ITCH: variants seen among roughly 807,000 people sequenced by gnomAD.
The protein encoded by ITCH is E3 ubiquitin-protein ligase Itchy homolog.
A neutral mutation model predicts 126.8 loss-of-function variants in ITCH; 28 were observed. The ratio of observed to expected loss-of-function variants is 0.22; its 90% CI spans 0.16 to 0.30. The LOEUF (loss-of-function observed/expected upper bound fraction) is 0.30, where lower values mean the gene tolerates loss of function less well. Ranked by LOEUF, ITCH falls within the 10% of genes least tolerant of loss-of-function variation. The pLI is 1.00. For missense variants in ITCH, 631 were observed against 1,032.4 expected (o/e 0.61, Z 5.33); for synonymous variants, 342 against 340.0 (o/e 1.01, Z -0.06).
At chr20:34,404,256 A>C (rs767437409) in intron 3 of ITCH, among the ~76,000 whole-genome samples, 54 of 152,046 alleles carry the variant, frequency 3.6e-4, no homozygotes, top group Non-Finnish European at 6.3e-4. Context: ...AGTTTTCAGA[A>C]AGTAGTACAT....
At chr20:34,486,606 A>G (rs1276653221) in intron 20 of ITCH, among the ~76,000 whole-genome samples, 1 of 152,070 alleles carries the variant, frequency 6.6e-6, no homozygotes, top group Admixed American at 6.6e-5. Context: ...GATTACAGGC[A>G]TGAGCCACCA....
At chr20:34,401,873 C>T (rs1000867918) in intron 3 of ITCH, among the ~76,000 whole-genome samples, 1 of 152,014 alleles carries the variant, frequency 6.6e-6, no homozygotes, top group African/African-American at 2.4e-5. Flanking sequence ...TTTAAAAATA[C>T]ATATATATAT....
Position 34,471,500 on chromosome 20 carries a change from G to T in ITCH, c.1554G>T (p.Glu518Asp), listed in dbSNP as rs1987614242. Residue 518 changes from glutamate to aspartate, a missense_variant, in exon 16 of 25, where the codon GAG becomes GAT. Around this residue, in one of 4 missense-constraint regions of ITCH, gnomAD observed 390 missense variants for 731.6 expected, o/e 0.53. Transcript: ENST00000374864. ...CAGTGACAAGAAAAACATTGTTTGA[G>T]GATTCCTTTCAACAGGTACTGTTTC... ...KITVTRKTLF[E>D]DSFQQIMSFS... is the part of the protein sequence containing the mutation. The T allele has an allele frequency of 6.2e-7, 1 of 1,602,314 alleles. No individual in the cohort carries two copies. Among genetic ancestry groups the T allele is most frequent in the Admixed American group, 1.7e-5 (1 of 59,986 alleles).
At chr20:34,364,380 A>C (rs908132336) in intron 1 of ITCH, among the ~76,000 whole-genome samples, 1 of 151,758 alleles carries the variant, frequency 6.6e-6, no homozygotes, top group African/African-American at 2.4e-5. Context: ...AAGACCCTGG[A>C]GCCAGCCACC....
intron 10 of ITCH, 26 bp from the exon 11 acceptor site, chr20:34,445,261 T>G (rs777546419): frequency 4.2e-5 from 34 of 808,914 alleles, no homozygotes; most frequent in Admixed American, 7.5e-5. Context: ...AATTAGCTTG[T>G]TTTTTTTTTT....
At chr20:34,480,061 G>A (rs1000566346) in intron 18 of ITCH, among the ~76,000 whole-genome samples, 1 of 150,808 alleles carries the variant, frequency 6.6e-6, no homozygotes, top group African/African-American at 2.4e-5. Context: ...ACCATGCCTG[G>A]CTAATTTTTG....
At chr20:34,408,318 C>T (rs1338903282) in intron 3 of ITCH, among the ~76,000 whole-genome samples, 1 of 152,212 alleles carries the variant, frequency 6.6e-6, no homozygotes, top group African/African-American at 2.4e-5. Context: ...AGGCAATCCT[C>T]TTGCCTCAGC....
intron 23 of ITCH, among the ~76,000 whole-genome samples, chr20:34,496,170 A>T (rs1472351578): frequency 6.6e-6 from 1 of 152,144 alleles, no homozygotes; most frequent in African/African-American, 2.4e-5. Context: ...TTTAATCTGT[A>T]ACAGTTATTC....
At chr20:34,493,747 G>GA (rs1291986840) in intron 23 of ITCH, among the ~76,000 whole-genome samples, 2 of 152,210 alleles carry the variant, frequency 1.3e-5, no homozygotes, top group African/African-American at 4.8e-5. Context: ...CAACCAAGTA[G>GA]AAAACCCCAG....
At chr20:34,416,173 C>T (rs559232830) in intron 6 of ITCH, among the ~76,000 whole-genome samples, 140 of 151,846 alleles carry the variant, frequency 9.2e-4, no homozygotes, top group Admixed American at 1.7e-3. Context: ...CCGAGGCAGG[C>T]GGATCACCTA....
At chr20:34,452,469 C>T (rs1444837959) in intron 12 of ITCH, among the ~76,000 whole-genome samples, 3 of 152,208 alleles carry the variant, frequency 2.0e-5, no homozygotes, top group African/African-American at 7.2e-5. Context: ...TCAGACTGAG[C>T]ACTGCTTTAT....
chr20:34,417,703 CTT>C (rs77967776), intron 6 of ITCH, among the ~76,000 whole-genome samples: 2 of 109,284 alleles, frequency 1.8e-5, no homozygotes, highest in Admixed American at 1.2e-4. Context: ...CCTGGCCCAG[CTT>C]TTTTTTTTTT....
chr20:34,465,435 T>G (rs1234676744), intron 14 of ITCH, among the ~76,000 whole-genome samples: 2 of 152,202 alleles, frequency 1.3e-5, no homozygotes, highest in African/African-American at 4.8e-5. Flanking sequence ...TGGATTTTGA[T>G]AGGGGATTTT....
chr20:34,377,237 G>C (rs1293859086), intron 2 of ITCH, among the ~76,000 whole-genome samples: 1 of 152,128 alleles, frequency 6.6e-6, no homozygotes, highest in African/African-American at 2.4e-5. Context: ...AGCCGGGTGT[G>C]GTGTTACACT....
intron 7 of ITCH, among the ~76,000 whole-genome samples, chr20:34,428,115 C>T (rs1006788976): frequency 3.9e-5 from 6 of 152,174 alleles, no homozygotes; most frequent in African/African-American, 1.4e-4. Context: ...TCCTGTGCAT[C>T]AGCTTTTATT....
At chr20:34,434,676 A>G (rs1378803283) in intron 7 of ITCH, among the ~76,000 whole-genome samples, 1 of 152,156 alleles carries the variant, frequency 6.6e-6, no homozygotes, top group African/African-American at 2.4e-5. Flanking sequence ...GCAGATAATC[A>G]TTATTTTTAG....
At chr20:34,406,701 A>G (rs1031855428) in intron 3 of ITCH, among the ~76,000 whole-genome samples, 19 of 151,726 alleles carry the variant, frequency 1.3e-4, no homozygotes, top group Admixed American at 9.8e-4. Context: ...CGCCCGGCTA[A>G]TTTTTTGTAT....
intron 23 of ITCH, among the ~76,000 whole-genome samples, 190 bp from the exon 24 acceptor site, chr20:34,504,141 A>G (rs1990470426): frequency 6.6e-6 from 1 of 152,062 alleles, no homozygotes; most frequent in Non-Finnish European, 1.5e-5. Context: ...TTTGCCTCTC[A>G]AAGTACTGGG....
intron 8 of ITCH, among the ~76,000 whole-genome samples, chr20:34,439,308 C>T (rs868218447): frequency 6.6e-6 from 1 of 152,168 alleles, no homozygotes; most frequent in African/African-American, 2.4e-5. Flanking sequence ...CAGGGTCTCA[C>T]TCTGTCACCC....
Sources: gnomAD v4.1 joint callset for allele counts (sites outside exome capture counted in the v4.1 genomes callset) on GRCh38, gnomAD v4.1.1 for gene constraint, gnomAD v4.1.1 regional missense constraint, MANE v1.5 for transcripts, NCBI Gene and HGNC (gene_info 2026-07-23, HGNC 2026-07-21) for gene names.